The following OPCML variants were observed in gnomAD, a reference collection of about 807,000 sequenced individuals.
The protein encoded by OPCML is opioid-binding protein/cell adhesion molecule.
In OPCML, 13 loss-of-function variants were observed where a neutral mutation model predicts 37.8. The observed-to-expected ratio is 0.34, with a 90% CI of 0.22 to 0.55. OPCML has a LOEUF of 0.55. Among genes scored for constraint, OPCML ranks in the 20% least tolerant of loss-of-function variants. OPCML has a pLI of 0.91. For synonymous variants in OPCML, 176 were observed against 168.8 expected (o/e 1.04, Z -0.33); for missense variants, 341 against 435.6 (o/e 0.78, Z 1.93).
chr11:133,053,472 TC>T (rs766472458), intron 1 of OPCML, among the ~76,000 whole-genome samples: 13 of 152,198 alleles, frequency 8.5e-5, no homozygotes, highest in Non-Finnish European at 1.3e-4. Flanking sequence ...TTACTTTCTG[TC>T]CCCTGGTTTC....
chr11:132,840,704 G>A (rs952497927), intron 2 of OPCML, among the ~76,000 whole-genome samples: 5 of 152,148 alleles, frequency 3.3e-5, no homozygotes, highest in African/African-American at 4.8e-5. Context: ...ATTACACAAC[G>A]TTATTCACAT....
chr11:132,619,683 C>CAA (rs67315430), intron 3 of OPCML, among the ~76,000 whole-genome samples: 2,025 of 135,480 alleles, frequency 0.015, 38 homozygotes, highest in African/African-American at 0.042. Flanking sequence ...CTGAAAATAC[C>CAA]AAAAAAAAAA....
At chr11:132,915,234 TGAACG>T (rs1276476940) in intron 2 of OPCML, among the ~76,000 whole-genome samples, 1 of 152,210 alleles carries the variant, frequency 6.6e-6, no homozygotes, top group Non-Finnish European at 1.5e-5. Context: ...ATTATATATG[TGAACG>T]TGTATACACA....
intron 1 of OPCML, among the ~76,000 whole-genome samples, chr11:133,131,265 T>C (rs1949600260): frequency 6.6e-6 from 1 of 152,156 alleles, no homozygotes; most frequent in Admixed American, 6.5e-5. Flanking sequence ...ACCCAGACTA[T>C]AGTATGTTTT....
At chr11:132,478,136 T>C (rs751140726) in intron 4 of OPCML, among the ~76,000 whole-genome samples, 9 of 152,222 alleles carry the variant, frequency 5.9e-5, no homozygotes, top group Middle Eastern at 3.2e-3. Context: ...TCAAGGCATG[T>C]GAAATGATAT....
At chr11:132,623,094 T>C (rs567673916) in intron 3 of OPCML, among the ~76,000 whole-genome samples, 2 of 152,328 alleles carry the variant, frequency 1.3e-5, no homozygotes, top group Middle Eastern at 6.8e-3. Flanking sequence ...TCAGGTCATT[T>C]GCTAATAAGG....
At chr11:132,778,677 A>C (rs1325232147) in intron 2 of OPCML, among the ~76,000 whole-genome samples, 1 of 152,140 alleles carries the variant, frequency 6.6e-6, no homozygotes, top group Non-Finnish European at 1.5e-5. Flanking sequence ...CCAACAAATA[A>C]GAATATGGAA....
chr11:132,703,046 C>T (rs1943892428), intron 2 of OPCML, among the ~76,000 whole-genome samples: 1 of 152,006 alleles, frequency 6.6e-6, no homozygotes, highest in Admixed American at 6.6e-5. Flanking sequence ...TCAGGCAGTT[C>T]CTATATTTCC....
chr11:133,024,247 TG>T (rs1404849786), intron 1 of OPCML: 4 of 620,256 alleles, frequency 6.4e-6, no homozygotes, highest in Non-Finnish European at 8.1e-6. Context: ...GGTGGGGGGC[TG>T]GGGTGAGAAG....
intron 1 of OPCML, among the ~76,000 whole-genome samples, chr11:133,141,886 C>T (rs1035748036): frequency 2.6e-5 from 4 of 152,188 alleles, no homozygotes; most frequent in South Asian, 2.1e-4. Context: ...TTCCTTCTCA[C>T]GCTCTGTCTC....
intron 3 of OPCML, among the ~76,000 whole-genome samples, chr11:132,569,514 G>A (rs1307855496): frequency 6.6e-6 from 1 of 152,046 alleles, no homozygotes; most frequent in Non-Finnish European, 1.5e-5. Flanking sequence ...AGAGAAAATG[G>A]GAGAGAAAAA....
chr11:132,519,721 C>G (rs1336550179), intron 4 of OPCML, among the ~76,000 whole-genome samples: 1 of 152,162 alleles, frequency 6.6e-6, no homozygotes, highest in East Asian at 1.9e-4. Flanking sequence ...TTGCCCATAA[C>G]TGTTCCACTG....
chr11:133,140,922 CGACGACGACGAAGAAGAA>C (rs1565468536), intron 1 of OPCML, among the ~76,000 whole-genome samples: 3 of 4,808 alleles, frequency 6.2e-4, no homozygotes, highest in African/African-American at 1.0e-3. Flanking sequence ...AAGAAGAAGA[CGACGACGACGAAGAAGAA>C]GAAGACGACG....
intron 2 of OPCML, among the ~76,000 whole-genome samples, chr11:132,659,479 TG>T (rs1220528201): frequency 1.2e-4 from 19 of 152,072 alleles, no homozygotes; most frequent in Admixed American, 2.6e-4. Context: ...TGAGACAGAG[TG>T]AAGGGCGTGA....
At position 133,097,291 on chromosome 11, in the gene OPCML, T is replaced by C. The variant is rs560972279; in HGVS notation, c.62-154281A>G. Among the ~76,000 whole-genome samples the C allele has an allele frequency of 2.6e-5, 4 of 152,336 alleles. No homozygotes were observed. In the East Asian group the frequency reaches 5.8e-4, roughly 22 times the overall value. On this transcript the variant is annotated intron_variant, in intron 1 of 7. Coordinates refer to ENST00000524381, the MANE Select transcript of OPCML (RefSeq NM_001012393.5). Reference sequence around the variant, plus strand: ...ACTTGAAGATTAAACAATCCACTTCTAAATGACCCGTGGGTCAAAGAATAA... The same window carrying C: ...ACTTGAAGATTAAACAATCCACTTCCAAATGACCCGTGGGTCAAAGAATAA...
intron 2 of OPCML, among the ~76,000 whole-genome samples, chr11:132,801,312 G>C (rs1388570843): frequency 2.0e-5 from 3 of 152,042 alleles, no homozygotes; most frequent in Non-Finnish European, 2.9e-5. Context: ...CAATTTTGTT[G>C]ATATTTTTAA....
At chr11:133,199,448 G>A (rs976021103) in intron 1 of OPCML, among the ~76,000 whole-genome samples, 3 of 151,988 alleles carry the variant, frequency 2.0e-5, no homozygotes, top group South Asian at 2.1e-4. Context: ...CACATATGAC[G>A]CTACAGTCGC....
At chr11:132,975,161 A>C (rs967381835) in intron 1 of OPCML, among the ~76,000 whole-genome samples, 11 of 151,946 alleles carry the variant, frequency 7.2e-5, no homozygotes, top group African/African-American at 2.7e-4. Flanking sequence ...ATTGACATGA[A>C]ACTTAAGATT....
chr11:132,432,148 T>C (rs916319057), intron 7 of OPCML, among the ~76,000 whole-genome samples: 2 of 152,286 alleles, frequency 1.3e-5, no homozygotes, highest in Admixed American at 6.5e-5. Context: ...CCAGGGTGTT[T>C]TGAGTTATCT....
Sources: gnomAD v4.1 joint callset for allele counts (sites outside exome capture counted in the v4.1 genomes callset) on GRCh38, gnomAD v4.1.1 for gene constraint, MANE v1.5 for transcripts, NCBI Gene and HGNC (gene_info 2026-07-23, HGNC 2026-07-21) for gene names.